TYRP1: variants seen among roughly 807,000 people sequenced by gnomAD.
The protein encoded by TYRP1 is tyrosinase related protein 1, also known as 5,6-dihydroxyindole-2-carboxylic acid oxidase.
TYRP1 carries 49 observed loss-of-function variants against 42.8 expected under a neutral mutation model. The observed-to-expected ratio is 1.14, with a 90% CI of 0.91 to 1.45. The LOEUF (loss-of-function observed/expected upper bound fraction) is 1.45, where lower values mean the gene tolerates loss of function less well. TYRP1 is among the 40% of genes most tolerant of loss of function. The pLI is 0.00. For synonymous variants in TYRP1, 279 were observed against 235.4 expected (o/e 1.19, Z -1.69); for missense variants, 848 against 662.0 (o/e 1.28, Z -3.08).
rs555876651 is a variant in TYRP1, at chr9:12,704,579, T to C, written c.1135T>C (p.Leu379=). The C allele has an allele frequency of 4.3e-6, 7 of 1,613,122 alleles. No individual in the cohort carries two copies. The South Asian group carries it at 7.7e-5, about 18-fold the overall frequency. The change falls in exon 6 of 8, where the codon TTG becomes CTG. Residue 379 remains leucine, a synonymous_variant. Coordinates refer to ENST00000388918, the MANE Select transcript of TYRP1 (RefSeq NM_000550.3). ...YDPAVRSLHN[L]AHLFLNGTGG... ...CCCTGCTGTTCGAAGTCTTCACAAT[T>C]TGGCTCATCTATTCCTGAATGGAAC...
chr9:12,709,227 G>T lies in TYRP1; in HGVS notation c.*45G>T, dbSNP rs1284218689. The T allele has an allele frequency of 6.5e-7, 1 of 1,543,826 alleles. No homozygotes were observed. Among genetic ancestry groups the T allele is most frequent in the Non-Finnish European group, 8.9e-7 (1 of 1,117,722 alleles). ...TGCATTAGTATCACAAAACCACCTG[G>T]TTGAATATAATAGATTGAGTTATTA... is the stretch of plus-strand genomic sequence containing the variant. On this transcript the variant is annotated 3_prime_UTR_variant, in exon 8 of 8. Coordinates refer to ENST00000388918, the MANE Select transcript of TYRP1 (RefSeq NM_000550.3).
chr9:12,695,872 A>G (rs2118224345), intron 3 of TYRP1, 35 bp downstream of exon 3: 1 of 1,601,826 alleles, frequency 6.2e-7, no homozygotes, highest in East Asian at 2.2e-5. Context: ...CAGACTCTTT[A>G]CAGACAAGAT....
intron 6 of TYRP1, among the ~76,000 whole-genome samples, chr9:12,705,077 C>T (rs558250275): frequency 1.3e-5 from 2 of 152,024 alleles, no homozygotes; most frequent in African/African-American, 4.8e-5. Context: ...TCTTTGATAT[C>T]CCAAAAGACT....
chr9:12,700,380 A>T (rs1818146708), intron 4 of TYRP1: 1 of 152,100 alleles, frequency 6.6e-6, no homozygotes, highest in African/African-American at 2.4e-5. Flanking sequence ...TAATGCGCCA[A>T]ACTTGGTGGA....
At chr9:12,706,843 G>A (rs1012522342) in intron 6 of TYRP1, among the ~76,000 whole-genome samples, 2 of 151,870 alleles carry the variant, frequency 1.3e-5, no homozygotes, top group African/African-American at 4.8e-5. Context: ...GTGGAGGGAT[G>A]GAATTCTTTT....
Position 12,693,947 on chromosome 9 carries a change from A to T in TYRP1, c.-50A>T, listed in dbSNP as rs1208799433. ...CTCTACGTGCTTCAGTCTTCTCTACACAAAGAGCTGCAAACCAGGTCTTTG... is the reference window on the plus strand; with the variant it reads ...CTCTACGTGCTTCAGTCTTCTCTACTCAAAGAGCTGCAAACCAGGTCTTTG... On this transcript the variant is annotated 5_prime_UTR_variant, in exon 2 of 8. Transcript: ENST00000388918. 1 of 1,611,154 alleles carries T rather than the reference A, an allele frequency of 6.2e-7. No homozygotes were observed. The highest frequency in any genetic ancestry group is 8.5e-7 in the Non-Finnish European group (1 of 1,179,716).
intron 3 of TYRP1, 45 bp from the exon 4 acceptor site, chr9:12,698,406 T>C (rs758249521): frequency 1.9e-6 from 3 of 1,558,224 alleles, no homozygotes; most frequent in East Asian, 2.2e-5. Flanking sequence ...AAATGAATAA[T>C]TGTAAACAGA....
chr9:12,709,130 G>T lies in TYRP1; in HGVS notation c.1562G>T (p.Cys521Phe). Residue 521 changes from cysteine (C) to phenylalanine (F), a missense_variant, in exon 8 of 8, where the codon TGC (cysteine) becomes TTC (phenylalanine). Transcript: ENST00000388918. Reference sequence around the variant, plus strand: ...CCTCTCCTCACTGATCAGTATCAATGCTATGCTGAAGAATATGAAAAACTC... The same window carrying T: ...CCTCTCCTCACTGATCAGTATCAATTCTATGCTGAAGAATATGAAAAACTC... ...NQPLLTDQYQ[C>F]YAEEYEKLQN... The T allele has an allele frequency of 6.2e-7, 1 of 1,612,632 alleles. No homozygotes were observed. Among genetic ancestry groups the T allele is most frequent in the Non-Finnish European group, 8.5e-7 (1 of 1,179,096 alleles).
intron 3 of TYRP1, among the ~76,000 whole-genome samples, chr9:12,696,093 T>TAAA (rs1818075686): frequency 6.6e-6 from 1 of 152,188 alleles, no homozygotes; most frequent in South Asian, 2.1e-4. Context: ...ATTAAAAGTT[T>TAAA]AAAAATATTT....
chr9:12,695,323 G>C (rs1034721388), intron 2 of TYRP1, among the ~76,000 whole-genome samples, 192 bp from the exon 3 acceptor site: 6 of 152,104 alleles, frequency 3.9e-5, no homozygotes. Flanking sequence ...GAGAGAAAAG[G>C]GAAGAAAGAG....
chr9:12,697,471 A>G (rs1227788634), intron 3 of TYRP1, among the ~76,000 whole-genome samples: 1 of 152,126 alleles, frequency 6.6e-6, no homozygotes, highest in Admixed American at 6.6e-5. Flanking sequence ...GAGACCAATA[A>G]CTGGGGATAA....
chr9:12,696,399 C>T (rs1315393509), intron 3 of TYRP1, among the ~76,000 whole-genome samples: 2 of 152,038 alleles, frequency 1.3e-5, no homozygotes, highest in East Asian at 1.9e-4. Context: ...CAGAAGAAAC[C>T]TATTAAAATA....
At chr9:12,694,539 C>G (rs940896870) in intron 2 of TYRP1, 158 bp downstream of exon 2, 15 of 939,220 alleles carry the variant, frequency 1.6e-5, no homozygotes, top group African/African-American at 6.6e-5. Flanking sequence ...GGTTAAGAAA[C>G]TTGTTTAATG....
At chr9:12,702,575 G>T (rs1818189540) in intron 5 of TYRP1, 137 bp downstream of exon 5, 1 of 897,602 alleles carries the variant, frequency 1.1e-6, no homozygotes, top group African/African-American at 1.7e-5. Flanking sequence ...TTTCTATTAT[G>T]ATACACCTGC....
intron 3 of TYRP1, 62 bp downstream of exon 3, chr9:12,695,899 A>T: frequency 6.5e-7 from 1 of 1,539,042 alleles, no homozygotes; most frequent in Non-Finnish European, 8.9e-7. Context: ...TTTGTAAGTG[A>T]TTTTAATTCA....
intron 4 of TYRP1, among the ~76,000 whole-genome samples, chr9:12,699,311 C>A (rs578032667): frequency 6.6e-6 from 1 of 151,654 alleles, no homozygotes; most frequent in Non-Finnish European, 1.5e-5. Flanking sequence ...TAGATCTCTT[C>A]CTGAGCTTTC....
At chr9:12,698,699 TAAAG>T (rs765000521) in intron 4 of TYRP1, 44 bp downstream of exon 4, 1 of 1,561,130 alleles carries the variant, frequency 6.4e-7, no homozygotes, top group Non-Finnish European at 8.8e-7. Context: ...TCTTTTTAGA[TAAAG>T]AGATTAAATA....
chr9:12,708,928 T>TAA, intron 7 of TYRP1, 49 bp from the exon 8 acceptor site: 1 of 1,507,288 alleles, frequency 6.6e-7, no homozygotes, highest in Non-Finnish European at 9.1e-7. Context: ...TTTTTGGTGA[T>TAA]AACTATTTTA....
At position 12,703,907 on chromosome 9, in the gene TYRP1, GTGTATA is replaced by G. The variant is rs879313153; in HGVS notation, c.1082-617_1082-612del. On this transcript the variant is annotated intron_variant, in intron 5 of 7. Transcript: ENST00000388918. Reference sequence around the variant, plus strand: ...TATGTGTGTGTGTGTGTGTGTGTGTGTGTATATATGTGTGTGTATATGTATATATGG... The same window carrying G: ...TATGTGTGTGTGTGTGTGTGTGTGTGTATGTGTGTGTATATGTATATATGG... Among the ~76,000 whole-genome samples the G allele has an allele frequency of 8.0e-3, 1,120 of 139,682 alleles. 10 individuals are homozygous for G. The highest frequency in any genetic ancestry group is 0.012 in the Non-Finnish European group (721 of 61,060). 91.6% of individuals were successfully genotyped at this position (139,682 alleles called of 152,430 possible).
Sources: allele counts gnomAD v4.1 joint callset (sites outside exome capture counted in the v4.1 genomes callset), GRCh38; gene constraint gnomAD v4.1.1; transcripts MANE v1.5; gene names NCBI Gene and HGNC (gene_info 2026-07-23, HGNC 2026-07-21).